PHTF2: variants seen among roughly 807,000 people sequenced by gnomAD.
PHTF2 encodes protein PHTF2.
A neutral mutation model predicts 101.2 loss-of-function variants in PHTF2; 60 were observed. The ratio of observed to expected loss-of-function variants is 0.59; its 90% CI spans 0.48 to 0.73. The LOEUF (loss-of-function observed/expected upper bound fraction) is 0.73. Ranked by LOEUF, PHTF2 falls within the 30% of genes least tolerant of loss-of-function variation. PHTF2 has a pLI of 0.00. For synonymous variants in PHTF2, 311 were observed against 307.3 expected (o/e 1.01, Z -0.13); for missense variants, 747 against 908.7 (o/e 0.82, Z 2.29).
At position 77,864,005 on chromosome 7, in the gene PHTF2, C is replaced by T. The variant is rs961446135; in HGVS notation, c.147+9171C>T. Among the ~76,000 whole-genome samples the T allele has an allele frequency of 5.9e-5, 9 of 152,210 alleles. No homozygotes were observed. In the East Asian group the frequency reaches 1.7e-3, roughly 29 times the overall value. Reference sequence around the variant, plus strand: ...ATGTTGCCCAGGCTGGGCTCAAACTCCTGAGCTCAAGTTATCCTCCAGCCT... The same window carrying T: ...ATGTTGCCCAGGCTGGGCTCAAACTTCTGAGCTCAAGTTATCCTCCAGCCT... On this transcript the variant is annotated intron_variant, in intron 3 of 19. Coordinates refer to ENST00000416283, the Ensembl canonical transcript of PHTF2.
At chr7:77,945,138 G>A (rs1805941955) in intron 16 of PHTF2, among the ~76,000 whole-genome samples, 1 of 152,126 alleles carries the variant, frequency 6.6e-6, no homozygotes. Context: ...TCAGGAGTTC[G>A]CAAGCAGCCT....
chr7:77,910,137 TAAGTA>T (rs950462100), intron 8 of PHTF2, 103 bp from the exon 8 acceptor site: 3 of 751,990 alleles, frequency 4.0e-6, no homozygotes, highest in Middle Eastern at 3.5e-4. Context: ...TATTATGTGT[TAAGTA>T]AAGTTCCTGT....
intron 16 of PHTF2, among the ~76,000 whole-genome samples, chr7:77,948,452 A>G (rs73138487): frequency 0.06 from 9,063 of 152,234 alleles, 361 homozygotes; most frequent in Non-Finnish European, 0.092. Context: ...AATTTTTAAT[A>G]TGATCACAAA....
At chr7:77,851,333 G>T (rs756657154) in intron 2 of PHTF2, among the ~76,000 whole-genome samples, 4 of 152,036 alleles carry the variant, frequency 2.6e-5, no homozygotes, top group Non-Finnish European at 5.9e-5. Context: ...TGCAGTTTTG[G>T]TAGCTTGTCT....
intron 12 of PHTF2, among the ~76,000 whole-genome samples, chr7:77,933,729 T>G (rs1002467745): frequency 1.4e-5 from 2 of 148,108 alleles, no homozygotes; most frequent in African/African-American, 5.2e-5. Context: ...TTTTTTTTTT[T>G]GCTCAGTGTT....
chr7:77,924,319 C>T (rs1334942656), intron 11 of PHTF2: 3 of 188,888 alleles, frequency 1.6e-5, no homozygotes, highest in African/African-American at 4.7e-5. Context: ...CACTCAAACA[C>T]AATGAGCAAG....
intron 2 of PHTF2, among the ~76,000 whole-genome samples, chr7:77,850,212 A>G (rs1796629652): frequency 6.7e-6 from 1 of 149,996 alleles, no homozygotes; most frequent in Non-Finnish European, 1.5e-5. Flanking sequence ...AAAAAAAAAA[A>G]TCCAGGTGTG....
At chr7:77,925,394 C>T (rs1384589656) in intron 11 of PHTF2, among the ~76,000 whole-genome samples, 1 of 146,468 alleles carries the variant, frequency 6.8e-6, no homozygotes, top group African/African-American at 2.5e-5. Flanking sequence ...TTTTTTTAGA[C>T]TTTATTTGGT....
chr7:77,800,877 A>G (rs557932365), intron 1 of PHTF2, among the ~76,000 whole-genome samples: 3 of 152,342 alleles, frequency 2.0e-5, no homozygotes, highest in African/African-American at 7.2e-5. Context: ...TTCTTCACAA[A>G]TGAGTCAGTA....
intron 12 of PHTF2, among the ~76,000 whole-genome samples, chr7:77,937,110 G>A (rs551731955): frequency 1.3e-5 from 2 of 152,124 alleles, no homozygotes; most frequent in East Asian, 3.9e-4. Context: ...TGGGTCCTTT[G>A]GAGAAATGCT....
At chr7:77,801,846 G>A (rs1792582363) in intron 1 of PHTF2, among the ~76,000 whole-genome samples, 1 of 152,106 alleles carries the variant, frequency 6.6e-6, no homozygotes, top group South Asian at 2.1e-4. Flanking sequence ...TAGACAGTCT[G>A]GATTTGAATT....
At chr7:77,825,951 T>C (rs79608732) in intron 1 of PHTF2, among the ~76,000 whole-genome samples, 1,874 of 152,220 alleles carry the variant, frequency 0.012, 37 homozygotes, top group African/African-American at 0.042. Flanking sequence ...AGAAAAAGTA[T>C]TGAGAAATAA....
At chr7:77,944,451 T>A (rs1273169890) in intron 16 of PHTF2, among the ~76,000 whole-genome samples, 1 of 152,224 alleles carries the variant, frequency 6.6e-6, no homozygotes, top group Non-Finnish European at 1.5e-5. Context: ...AACTCTTCCC[T>A]TACTACAGGT....
rs537104476 is a variant in PHTF2 at position 77,799,956 on chromosome 7, C to T, written c.-36+985C>T. On this transcript the variant is annotated intron_variant, in intron 1 of 19. Transcript: ENST00000416283. ...TACTTTTCAGGTGTGATACTTTAAT[C>T]TTAAGGTTTTTGGTTAGCTTTTGCC... 5.5e-4 allele frequency among the ~76,000 whole-genome samples: 83 copies of T among 151,994 alleles called. 2 individuals carry two copies. In the South Asian group the frequency reaches 0.01, roughly 19 times the overall value.
chr7:77,937,644 TTATA>T, intron 12 of PHTF2, 62 bp from the exon 12 acceptor site: 1 of 574,998 alleles, frequency 1.7e-6, no homozygotes, highest in Non-Finnish European at 2.7e-6. Context: ...ATATACAACT[TTATA>T]TACACACATT....
At chr7:77,939,677 T>TC (rs1401904081) in intron 13 of PHTF2, among the ~76,000 whole-genome samples, 1 of 152,118 alleles carries the variant, frequency 6.6e-6, no homozygotes, top group African/African-American at 2.4e-5. Context: ...CTGAGTTTTT[T>TC]CTTCAATGAA....
intron 15 of PHTF2, among the ~76,000 whole-genome samples, chr7:77,942,133 C>G (rs558399262): frequency 2.0e-5 from 3 of 152,282 alleles, no homozygotes; most frequent in South Asian, 4.1e-4. Flanking sequence ...TGCCCCTCCC[C>G]CTTAGTTTGG....
At chr7:77,835,242 C>G (rs1312837556) in intron 1 of PHTF2, among the ~76,000 whole-genome samples, 1 of 148,682 alleles carries the variant, frequency 6.7e-6, no homozygotes. Flanking sequence ...CCATTGCACT[C>G]CAGCCTGGGC....
intron 3 of PHTF2, 56 bp from the exon 3 acceptor site, chr7:77,893,552 T>G: frequency 1.4e-6 from 1 of 718,494 alleles, no homozygotes; most frequent in Non-Finnish European, 2.5e-6. Flanking sequence ...AGCAGAGTTA[T>G]ACCTATTTGA....
Sources: allele counts gnomAD v4.1 joint callset (sites outside exome capture counted in the v4.1 genomes callset), GRCh38; gene constraint gnomAD v4.1.1; transcripts MANE v1.5; gene names NCBI Gene and HGNC (gene_info 2026-07-23, HGNC 2026-07-21).